Variants in NEDD4 observed in about 807,000 individuals in gnomAD.
NEDD4 encodes the protein NEDD4 E3 ubiquitin protein ligase, also known as E3 ubiquitin-protein ligase NEDD4.
A neutral mutation model predicts 144.9 loss-of-function variants in NEDD4; 99 were observed. The observed-to-expected ratio is 0.68, with a 90% confidence interval of 0.58 to 0.81. The LOEUF is 0.81. Among genes scored for constraint, NEDD4 ranks in the 30% least tolerant of loss-of-function variants. The pLI is 0.00. For synonymous variants in NEDD4, 318 were observed against 350.6 expected (o/e 0.91, Z 1.04); for missense variants, 985 against 1,065.9 (o/e 0.92, Z 1.06).
chr15:55,978,773 G>C (rs1488885729), intron 1 of NEDD4, among the ~76,000 whole-genome samples: 1 of 151,818 alleles, frequency 6.6e-6, no homozygotes, highest in Non-Finnish European at 1.5e-5. Context: ...TGGCTTTTTT[G>C]AATGACAAGG....
chr15:55,831,427 A>C (rs2032944393), intron 27 of NEDD4, among the ~76,000 whole-genome samples: 1 of 152,186 alleles, frequency 6.6e-6, no homozygotes, highest in South Asian at 2.1e-4. Context: ...GGGCTGGGTT[A>C]CATAGAAGAG....
intron 5 of NEDD4, among the ~76,000 whole-genome samples, chr15:55,907,699 A>ACTCCAGGAACTAGTCTGAGAATCCCAG: frequency 6.6e-6 from 1 of 152,132 alleles, no homozygotes; most frequent in Non-Finnish European, 1.5e-5. Context: ...GTTACTTAAA[A>ACTCCAGGAACTAGTCTGAGAATCCCAG]CTCCAGGAAC....
At chr15:55,874,902 A>G (rs1168544264) in intron 5 of NEDD4, among the ~76,000 whole-genome samples, 3 of 152,076 alleles carry the variant, frequency 2.0e-5, no homozygotes, top group Non-Finnish European at 2.9e-5. Flanking sequence ...TAAATCCAGG[A>G]GGCAGACGTT....
chr15:55,881,627 A>C (rs563118966), intron 5 of NEDD4, among the ~76,000 whole-genome samples: 4 of 152,202 alleles, frequency 2.6e-5, no homozygotes, highest in African/African-American at 9.7e-5. Context: ...AGGCTTAATC[A>C]GATTAAAAAA....
chr15:55,919,837 T>C (rs780917405), intron 5 of NEDD4, among the ~76,000 whole-genome samples: 5 of 152,234 alleles, frequency 3.3e-5, no homozygotes, highest in Non-Finnish European at 4.4e-5. Context: ...ATCTTAATCA[T>C]TGACTGAACT....
At chr15:55,841,633 A>G (rs1395734809) in intron 19 of NEDD4, among the ~76,000 whole-genome samples, 2 of 152,148 alleles carry the variant, frequency 1.3e-5, no homozygotes, top group Non-Finnish European at 2.9e-5. Flanking sequence ...CCCAGGCTGG[A>G]GTGCAGTGGC....
At chr15:55,846,125 G>A (rs1232507604) in intron 18 of NEDD4, among the ~76,000 whole-genome samples, 2 of 151,988 alleles carry the variant, frequency 1.3e-5, no homozygotes, top group Admixed American at 6.6e-5. Context: ...GAAAGTTTAT[G>A]ATATTTAAGG....
chr15:55,886,448 C>T (rs1240805302), intron 5 of NEDD4, among the ~76,000 whole-genome samples: 1 of 152,132 alleles, frequency 6.6e-6, no homozygotes, highest in African/African-American at 2.4e-5. Flanking sequence ...TATTAGGCCA[C>T]AAAATAAGCC....
intron 18 of NEDD4, among the ~76,000 whole-genome samples, chr15:55,844,302 G>A (rs2033646915): frequency 6.6e-6 from 1 of 152,152 alleles, no homozygotes; most frequent in African/African-American, 2.4e-5. Flanking sequence ...GGGTTGGGGA[G>A]CCACACGGTC....
chr15:55,858,218 G>A (rs1351465451), intron 11 of NEDD4, among the ~76,000 whole-genome samples: 1 of 152,026 alleles, frequency 6.6e-6, no homozygotes, highest in Non-Finnish European at 1.5e-5. Flanking sequence ...ACACTATATG[G>A]TTGCCATGTA....
intron 5 of NEDD4, among the ~76,000 whole-genome samples, chr15:55,898,417 A>C (rs998534187): frequency 3.3e-5 from 5 of 152,162 alleles, no homozygotes; most frequent in Non-Finnish European, 5.9e-5. Context: ...GGATTTATGA[A>C]AGTTTTCAGT....
At chr15:55,970,867 T>G (rs1336446891) in intron 1 of NEDD4, among the ~76,000 whole-genome samples, 1 of 152,218 alleles carries the variant, frequency 6.6e-6, no homozygotes, top group Non-Finnish European at 1.5e-5. Context: ...CCTAACTCTT[T>G]AATGTTCAGA....
At chr15:55,900,147 A>G (rs569304767) in intron 5 of NEDD4, among the ~76,000 whole-genome samples, 3 of 152,070 alleles carry the variant, frequency 2.0e-5, no homozygotes, top group African/African-American at 4.8e-5. Context: ...GCTTCTGGAC[A>G]AGAACTCATC....
rs1304622999 is a variant in NEDD4 at position 55,957,564 on chromosome 15, C to T, written c.120-5975G>A. On this transcript the variant is annotated intron_variant, in intron 2 of 28. Coordinates refer to ENST00000435532, the MANE Select transcript of NEDD4 (RefSeq NM_006154.4). ...TAAGATGACTGTCTTCTCAGTGTGG[C>T]GATTCCTCAAGGATCTAGAACTAGA... is the stretch of plus-strand genomic sequence containing the variant. Among the ~76,000 whole-genome samples, 7 of 152,100 alleles carry T rather than the reference C, an allele frequency of 4.6e-5. No individual in the cohort carries two copies. The East Asian group carries it at 1.2e-3, about 25-fold the overall frequency.
At chr15:55,833,830 C>T (rs1312256105) in intron 26 of NEDD4, among the ~76,000 whole-genome samples, 1 of 152,222 alleles carries the variant, frequency 6.6e-6, no homozygotes, top group Non-Finnish European at 1.5e-5. Context: ...ATTCCACTTA[C>T]TACCTTCTGA....
intron 24 of NEDD4, among the ~76,000 whole-genome samples, chr15:55,836,400 C>A (rs1379086813): frequency 6.6e-6 from 1 of 151,874 alleles, no homozygotes; most frequent in Non-Finnish European, 1.5e-5. Context: ...CACTCTGTAG[C>A]CCAGACTGGA....
At chr15:55,976,627 A>ATTTT (rs1229977936) in intron 1 of NEDD4, among the ~76,000 whole-genome samples, 1 of 120,892 alleles carries the variant, frequency 8.3e-6, no homozygotes, top group African/African-American at 3.1e-5. Flanking sequence ...CTGGGCAAAA[A>ATTTT]TTTTTTTTTT....
intron 24 of NEDD4, among the ~76,000 whole-genome samples, chr15:55,835,104 G>A (rs946053634): frequency 6.6e-6 from 1 of 151,992 alleles, no homozygotes; most frequent in Admixed American, 6.6e-5. Context: ...AAAAACTAAT[G>A]ACTCTCTTTT....
intron 5 of NEDD4, among the ~76,000 whole-genome samples, chr15:55,883,688 CACACACAA>C (rs1365794155): frequency 1.2e-5 from 1 of 82,570 alleles, no homozygotes; most frequent in East Asian, 4.1e-4. Flanking sequence ...AACACACACA[CACACACAA>C]ACACACACAC....
Sources: gnomAD v4.1 joint callset for allele counts (sites outside exome capture counted in the v4.1 genomes callset) on GRCh38, gnomAD v4.1.1 for gene constraint, MANE v1.5 for transcripts, NCBI Gene and HGNC (gene_info 2026-07-23, HGNC 2026-07-21) for gene names.